Variants in FIGN observed in about 807,000 individuals in gnomAD.
FIGN encodes fidgetin.
FIGN carries 11 observed loss-of-function variants against 51.3 expected under a neutral mutation model. That is an observed-to-expected ratio of 0.21 (90% confidence interval 0.13 to 0.35). The LOEUF (loss-of-function observed/expected upper bound fraction) is 0.35, where lower values mean the gene tolerates loss of function less well. Ranked by LOEUF, FIGN falls within the 10% of genes least tolerant of loss-of-function variation. The probability of loss-of-function intolerance (pLI) is 1.00; values close to 1 mark genes in which losing one functional copy is unlikely to be tolerated. For missense variants in FIGN, 857 were observed against 943.6 expected (o/e 0.91, Z 1.20); for synonymous variants, 407 against 363.2 (o/e 1.12, Z -1.37).
Position 163,606,102 on chromosome 2 carries a change from G to A in FIGN, c.*3450C>T, listed in dbSNP as rs574297238. 14 of 152,022 alleles carry A rather than the reference G, an allele frequency of 9.2e-5. No homozygotes were observed. Among genetic ancestry groups the A allele is most frequent in the African/African-American group, 2.9e-4 (12 of 41,478 alleles). The allele number at this position is 152,022 out of a possible 1,614,324, so 9.4% of individuals were successfully genotyped here. A position where few individuals can be genotyped will look rare whatever the true frequency, so the allele number is the denominator to read the frequency against. On this transcript the variant is annotated 3_prime_UTR_variant, in exon 3 of 3. Coordinates refer to ENST00000333129, the MANE Select transcript of FIGN (RefSeq NM_018086.4). ...AAATGCACAAGAAAACATTATACCC[G>A]TCTATCTGCATTTGAGTAGAATACA... is the stretch of plus-strand genomic sequence containing the variant.
chr2:163,602,844 G>T lies in FIGN; in HGVS notation c.*6708C>A, dbSNP rs1273630634. ...TTTATGAAAAGGAATATTCAGTAGG[G>T]ACAGTTGTTACAATACTGAGCACTG... On this transcript the variant is annotated 3_prime_UTR_variant, in exon 3 of 3. Coordinates refer to ENST00000333129, the MANE Select transcript of FIGN (RefSeq NM_018086.4). 1 of 151,900 alleles carries T rather than the reference G, an allele frequency of 6.6e-6. No homozygotes were observed. Among genetic ancestry groups the T allele is most frequent in the East Asian group, 1.9e-4 (1 of 5,182 alleles). 9.4% of individuals were successfully genotyped at this position (151,900 alleles called of 1,614,324 possible).
chr2:163,694,892 A>C (rs1684292831), intron 2 of FIGN, among the ~76,000 whole-genome samples: 1 of 152,048 alleles, frequency 6.6e-6, no homozygotes, highest in Admixed American at 6.6e-5. Context: ...GGCCCAAGCA[A>C]TCCTCCTGCC....
intron 2 of FIGN, among the ~76,000 whole-genome samples, chr2:163,666,439 T>C (rs547914239): frequency 2.0e-5 from 3 of 152,258 alleles, no homozygotes; most frequent in South Asian, 4.1e-4. Context: ...TTGGGAATAA[T>C]ACGGACCATT....
intron 2 of FIGN, among the ~76,000 whole-genome samples, chr2:163,673,688 A>T (rs1361070463): frequency 6.6e-6 from 1 of 152,156 alleles, no homozygotes; most frequent in Non-Finnish European, 1.5e-5. Context: ...TCTCTGGGGC[A>T]GGGACGGGGT....
chr2:163,621,979 T>C (rs796852518), intron 2 of FIGN, among the ~76,000 whole-genome samples: 13 of 152,164 alleles, frequency 8.5e-5, no homozygotes, highest in African/African-American at 3.1e-4. Context: ...CAAAATGCCA[T>C]TATGTTAAAA....
chr2:163,681,062 G>T (rs751830697), intron 2 of FIGN, among the ~76,000 whole-genome samples: 2 of 152,152 alleles, frequency 1.3e-5, no homozygotes, highest in Admixed American at 1.3e-4. Flanking sequence ...ATGCAGAGAA[G>T]TTAAGTAACT....
intron 2 of FIGN, among the ~76,000 whole-genome samples, chr2:163,620,279 A>G (rs1682945428): frequency 6.6e-6 from 1 of 152,118 alleles, no homozygotes; most frequent in Non-Finnish European, 1.5e-5. Context: ...TTCATTTCTT[A>G]TGCCCTCTCT....
At chr2:163,681,320 T>A (rs1365898895) in intron 2 of FIGN, among the ~76,000 whole-genome samples, 1 of 152,176 alleles carries the variant, frequency 6.6e-6, no homozygotes, top group Non-Finnish European at 1.5e-5. Flanking sequence ...GGAGTTCATG[T>A]AGCCCCTTTA....
chr2:163,659,463 G>C (rs1055608033), intron 2 of FIGN, among the ~76,000 whole-genome samples: 1 of 152,102 alleles, frequency 6.6e-6, no homozygotes, highest in African/African-American at 2.4e-5. Context: ...TCTTCTGAAG[G>C]TGTGATTCAG....
chr2:163,734,937 G>T lies in FIGN; in HGVS notation c.-10C>A. On this transcript the variant is annotated 5_prime_UTR_variant, in exon 2 of 3. Transcript: ENST00000333129. ...TGGTGCTACTGATCATTTCTTGCTGGCAGCACAAAAAGCTGAATTGGATTT... is the reference window on the plus strand; with the variant it reads ...TGGTGCTACTGATCATTTCTTGCTGTCAGCACAAAAAGCTGAATTGGATTT... The T allele has an allele frequency of 6.2e-7, 1 of 1,610,970 alleles. No homozygotes were observed. The highest frequency in any genetic ancestry group is 8.5e-7 in the Non-Finnish European group (1 of 1,178,864).
intron 2 of FIGN, among the ~76,000 whole-genome samples, chr2:163,677,401 G>A (rs927909452): frequency 6.6e-6 from 1 of 152,126 alleles, no homozygotes; most frequent in African/African-American, 2.4e-5. Flanking sequence ...GGTGTAAATG[G>A]TCTGTCTACA....
In FIGN at chr2:163,698,545, C is replaced by T. The variant is rs531911403; in HGVS notation, c.25+36358G>A. ...AAGGATGAAGGGAGTGGAAGTCTCC[C>T]GCCCTGTCACCAGAGCTACAGAGTA... On this transcript the variant is annotated intron_variant, in intron 2 of 2. Transcript: ENST00000333129. Among the ~76,000 whole-genome samples the T allele has an allele frequency of 3.3e-5, 5 of 152,202 alleles. No homozygotes were observed. The South Asian group carries it at 8.3e-4, about 25-fold the overall frequency.
At chr2:163,704,615 G>T (rs2389943) in intron 2 of FIGN, among the ~76,000 whole-genome samples, 1 of 145,830 alleles carries the variant, frequency 6.9e-6, no homozygotes, top group East Asian at 2.1e-4. Context: ...CCCACAGACT[G>T]TCTCTCTCTT....
chr2:163,655,783 A>ACG (rs1683549494), intron 2 of FIGN, among the ~76,000 whole-genome samples: 1 of 143,794 alleles, frequency 7.0e-6, no homozygotes, highest in African/African-American at 2.9e-5. Context: ...ACACACACAC[A>ACG]CGCACACACA....
In FIGN at chr2:163,729,969, T is replaced by G. The variant is rs73974389; in HGVS notation, c.25+4934A>C. Among the ~76,000 whole-genome samples the G allele has an allele frequency of 1.6e-3, 244 of 152,310 alleles. 1 individual carries two copies. Among genetic ancestry groups the G allele is most frequent in the African/African-American group, 5.7e-3 (236 of 41,572 alleles). On this transcript the variant is annotated intron_variant, in intron 2 of 2. Coordinates refer to ENST00000333129, the MANE Select transcript of FIGN (RefSeq NM_018086.4). ...TATTAACAGAAAGTGCCATATGATA[T>G]CTCATGTTTTGATGGTTTCTGATCA...
At chr2:163,725,632 T>C (rs1206265125) in intron 2 of FIGN, among the ~76,000 whole-genome samples, 1 of 152,052 alleles carries the variant, frequency 6.6e-6, no homozygotes, top group African/African-American at 2.4e-5. Context: ...GTACTGTCCT[T>C]ACTAGATATC....
chr2:163,730,154 A>G (rs969496875), intron 2 of FIGN, among the ~76,000 whole-genome samples: 3 of 152,292 alleles, frequency 2.0e-5, no homozygotes, highest in Non-Finnish European at 4.4e-5. Context: ...TCGAACTTCA[A>G]TGTACCATTT....
chr2:163,614,659 G>A (rs908145699), intron 2 of FIGN, among the ~76,000 whole-genome samples: 1 of 152,034 alleles, frequency 6.6e-6, no homozygotes, highest in Non-Finnish European at 1.5e-5. Flanking sequence ...TACAGGCAAT[G>A]GAATTTAGCA....
chr2:163,620,143 A>G (rs763284112), intron 2 of FIGN, among the ~76,000 whole-genome samples: 3 of 151,938 alleles, frequency 2.0e-5, no homozygotes, highest in Non-Finnish European at 4.4e-5. Flanking sequence ...CTGAGGTAAA[A>G]GGGCTGATTT....
Sources: gnomAD v4.1 joint callset for allele counts (sites outside exome capture counted in the v4.1 genomes callset) on GRCh38, gnomAD v4.1.1 for gene constraint, MANE v1.5 for transcripts, NCBI Gene and HGNC (gene_info 2026-07-23, HGNC 2026-07-21) for gene names.